Variants in CDK19 observed in about 807,000 individuals in gnomAD.
The protein encoded by CDK19 is cyclin-dependent kinase 19.
Under a neutral mutation model 68.3 loss-of-function variants are expected in CDK19, and 20 were observed. The observed-to-expected ratio is 0.29, with a 90% CI of 0.21 to 0.43. The LOEUF is 0.43. Among genes scored for constraint, CDK19 ranks in the 20% least tolerant of loss-of-function variants. The pLI is 1.00. For missense variants in CDK19, 339 were observed against 623.5 expected, an observed-to-expected ratio of 0.54 and a Z score of 4.86; for synonymous variants, 221 against 222.8, an observed-to-expected ratio of 0.99 and a Z score of 0.07.
At chr6:110,740,603 C>T (rs1777584731) in intron 2 of CDK19, among the ~76,000 whole-genome samples, 1 of 152,124 alleles carries the variant, frequency 6.6e-6, no homozygotes, top group Non-Finnish European at 1.5e-5. Context: ...TGATTACAAG[C>T]TCTTTAACTT....
At chr6:110,714,378 C>T (rs2114706765) in intron 2 of CDK19, among the ~76,000 whole-genome samples, 1 of 152,308 alleles carries the variant, frequency 6.6e-6, no homozygotes, top group East Asian at 1.9e-4. Flanking sequence ...TAAACATTCA[C>T]ATGCAAGTTT....
At chr6:110,814,616 C>T in intron 1 of CDK19, 2 of 469,462 alleles carry the variant, frequency 4.3e-6, no homozygotes, top group Non-Finnish European at 4.2e-6. Flanking sequence ...CCACAACGAC[C>T]GTCACTACCC....
intron 6 of CDK19, among the ~76,000 whole-genome samples, chr6:110,629,023 G>A (rs1779274332): frequency 1.3e-5 from 2 of 152,088 alleles, no homozygotes; most frequent in African/African-American, 4.8e-5. Context: ...CATACTGGTT[G>A]TCACTCTTCC....
At chr6:110,770,971 T>A (rs756460772) in intron 1 of CDK19, among the ~76,000 whole-genome samples, 7 of 152,192 alleles carry the variant, frequency 4.6e-5, no homozygotes, top group Non-Finnish European at 8.8e-5. Context: ...GAGAAGTGGG[T>A]TCCCATGGTC....
chr6:110,796,250 A>C (rs1472066685), intron 1 of CDK19, among the ~76,000 whole-genome samples: 1 of 152,170 alleles, frequency 6.6e-6, no homozygotes, highest in East Asian at 1.9e-4. Context: ...AGGGAGGAGA[A>C]TCACTAGAAC....
At chr6:110,778,310 A>T (rs1339237543) in intron 1 of CDK19, among the ~76,000 whole-genome samples, 1 of 152,190 alleles carries the variant, frequency 6.6e-6, no homozygotes, top group East Asian at 1.9e-4. Context: ...ACACTTTTTT[A>T]AAAAAGGAAT....
intron 1 of CDK19, among the ~76,000 whole-genome samples, chr6:110,806,309 C>T (rs946876540): frequency 9.4e-5 from 14 of 149,626 alleles, no homozygotes; most frequent in African/African-American, 3.2e-4. Context: ...CATCACACAA[C>T]AGCCTGGGCA....
In CDK19 at chr6:110,754,364, G is replaced by A. The variant is rs116610015; in HGVS notation, c.129-8163C>T. 5.2e-3 allele frequency among the ~76,000 whole-genome samples: 796 copies of A among 152,170 alleles called. 6 individuals are homozygous for A. Among genetic ancestry groups the A allele is most frequent in the African/African-American group, 0.019 (774 of 41,518 alleles). ...TGGCAAATTCTTATTGCTGGGAAAT[G>A]AATTTTTAAAAAATGTATCTGCAGT... On this transcript the variant is annotated intron_variant, in intron 1 of 12. Coordinates refer to ENST00000368911, the MANE Select transcript of CDK19 (RefSeq NM_015076.5).
intron 1 of CDK19, among the ~76,000 whole-genome samples, chr6:110,754,081 G>A (rs1189812265): frequency 6.6e-6 from 1 of 150,386 alleles, no homozygotes; most frequent in Non-Finnish European, 1.5e-5. Context: ...CCAGGTTGGA[G>A]TGCAGTGGTG....
rs1229474372 is a variant in CDK19, at chr6:110,612,312, T to C, written c.*2223A>G. On this transcript the variant is annotated 3_prime_UTR_variant, in exon 13 of 13. Transcript: ENST00000368911. ...CTGCTGTGAACATTTCAAAGATACG[T>C]CAATGCCTTTTGTGATATTGAATCA... 1.3e-5 allele frequency: 2 copies of C among 152,596 alleles called. No homozygotes were observed. Among genetic ancestry groups the C allele is most frequent in the African/African-American group, 4.8e-5 (2 of 41,466 alleles). The allele number at this position is 152,596 out of a possible 1,614,324, so 9.5% of individuals were successfully genotyped here. A position where few individuals can be genotyped will look rare whatever the true frequency, so the allele number is the denominator to read the frequency against.
chr6:110,768,452 C>T (rs189276274), intron 1 of CDK19, among the ~76,000 whole-genome samples: 1 of 152,310 alleles, frequency 6.6e-6, no homozygotes, highest in African/African-American at 2.4e-5. Flanking sequence ...TTTATAGCAG[C>T]TTTACTCATA....
At chr6:110,727,612 TC>T (rs1776407642) in intron 2 of CDK19, among the ~76,000 whole-genome samples, 1 of 127,202 alleles carries the variant, frequency 7.9e-6, no homozygotes, top group Non-Finnish European at 1.8e-5. Flanking sequence ...ACTCAAGATG[TC>T]TTTTTTAAAA....
intron 2 of CDK19, among the ~76,000 whole-genome samples, chr6:110,741,760 A>G (rs1419933700): frequency 6.6e-6 from 1 of 152,194 alleles, no homozygotes; most frequent in Non-Finnish European, 1.5e-5. Context: ...TGACACAGTC[A>G]AAGTGTGAAA....
chr6:110,706,914 C>A (rs747583551), intron 2 of CDK19: 2 of 158,360 alleles, frequency 1.3e-5, no homozygotes, highest in African/African-American at 4.8e-5. Flanking sequence ...AGCAGTGCTA[C>A]TCCTCTTTCC....
chr6:110,622,226 T>C, intron 10 of CDK19, 60 bp from the exon 11 acceptor site: 3 of 1,132,122 alleles, frequency 2.6e-6, no homozygotes, highest in African/African-American at 1.6e-5. Flanking sequence ...ATCATTACCT[T>C]GTTAATTTAA....
chr6:110,700,267 A>G (rs1178109135), intron 2 of CDK19, among the ~76,000 whole-genome samples: 2 of 152,224 alleles, frequency 1.3e-5, no homozygotes, highest in Non-Finnish European at 2.9e-5. Flanking sequence ...ATTTCATTAT[A>G]TGTTACAATG....
chr6:110,666,843 CAAT>C (rs957124806), intron 4 of CDK19, among the ~76,000 whole-genome samples: 8 of 151,680 alleles, frequency 5.3e-5, no homozygotes, highest in Non-Finnish European at 1.2e-4. Context: ...AAAATAACAA[CAAT>C]GTGAAGATGA....
intron 1 of CDK19, among the ~76,000 whole-genome samples, chr6:110,769,614 G>A (rs1233347539): frequency 6.6e-6 from 1 of 151,390 alleles, no homozygotes; most frequent in African/African-American, 2.4e-5. Context: ...AAACTGGGGA[G>A]CAGGGGGTGG....
At chr6:110,666,916 A>G (rs1322405900) in intron 4 of CDK19, among the ~76,000 whole-genome samples, 3 of 152,214 alleles carry the variant, frequency 2.0e-5, no homozygotes, top group African/African-American at 7.2e-5. Flanking sequence ...TGAATAAAAA[A>G]AAGTAAAATC....
Sources: gnomAD v4.1 joint callset for allele counts (sites outside exome capture counted in the v4.1 genomes callset) on GRCh38, gnomAD v4.1.1 for gene constraint, MANE v1.5 for transcripts, NCBI Gene and HGNC (gene_info 2026-07-23, HGNC 2026-07-21) for gene names.